Variants in LY96 observed in about 807,000 individuals in gnomAD.
The protein encoded by LY96 is lymphocyte antigen 96, also known as myeloid differentiation protein-2.
Under a neutral mutation model 18.9 loss-of-function variants are expected in LY96, and 18 were observed. The ratio of observed to expected loss-of-function variants is 0.95; its 90% confidence interval spans 0.66 to 1.41. The LOEUF (loss-of-function observed/expected upper bound fraction) is 1.41, where lower values mean the gene tolerates loss of function less well. Among genes scored for constraint, LY96 ranks in the 40% most tolerant of loss-of-function variants. The pLI is 0.00. For synonymous variants in LY96, 66 were observed against 62.6 expected (o/e 1.06, Z -0.26); for missense variants, 175 against 182.4 (o/e 0.96, Z 0.23).
At chr8:74,009,099 AT>A (rs916992870) in intron 2 of LY96, among the ~76,000 whole-genome samples, 1 of 152,232 alleles carries the variant, frequency 6.6e-6, no homozygotes, top group Non-Finnish European at 1.5e-5. Flanking sequence ...TATGAAAAGG[AT>A]TGTGCATCTT....
downstream of LY96, among the ~76,000 whole-genome samples, chr8:74,029,884 T>G (rs921705538): frequency 2.0e-5 from 3 of 152,182 alleles, no homozygotes; most frequent in Non-Finnish European, 2.9e-5. Context: ...GGTCTTGAAC[T>G]CCTGACCTCA....
chr8:74,084,616 TC>T, the LY96 span, among the ~76,000 whole-genome samples: 29 of 152,284 alleles, frequency 1.9e-4, 1 homozygote, highest in African/African-American at 6.5e-4. Flanking sequence ...TCTCTCTCTC[TC>T]TTTTTTCTTT....
chr8:74,022,977 A>G (rs755023225), intron 3 of LY96, among the ~76,000 whole-genome samples: 2 of 152,108 alleles, frequency 1.3e-5, no homozygotes, highest in Non-Finnish European at 2.9e-5. Flanking sequence ...TTATGACCAG[A>G]GTCCAGGGCC....
chr8:74,005,181 C>T (rs943075228), intron 2 of LY96, among the ~76,000 whole-genome samples: 11 of 152,198 alleles, frequency 7.2e-5, no homozygotes, highest in Non-Finnish European at 1.3e-4. Flanking sequence ...TCTAAGCTCA[C>T]GTAGCTGTTG....
At chr8:74,065,053 T>A in the LY96 span, among the ~76,000 whole-genome samples, 6 of 152,076 alleles carry the variant, frequency 3.9e-5, no homozygotes, top group Non-Finnish European at 8.8e-5. Context: ...AAACTGAATT[T>A]CCAACTGTGA....
chr8:74,071,617 A>G, the LY96 span, among the ~76,000 whole-genome samples: 8 of 152,166 alleles, frequency 5.3e-5, no homozygotes, highest in Admixed American at 3.9e-4. Context: ...ACCAGTGTAT[A>G]TTTTCCCTAT....
At chr8:74,080,984 C>CTCTCTCTTTCTTTCTT in the LY96 span, among the ~76,000 whole-genome samples, 3 of 105,172 alleles carry the variant, frequency 2.9e-5, no homozygotes, top group East Asian at 2.9e-4. Context: ...TTCTTTCTCT[C>CTCTCTCTTTCTTTCTT]TCTTTCTTTC....
At chr8:74,090,888 A>AT in the LY96 span, among the ~76,000 whole-genome samples, 1 of 152,214 alleles carries the variant, frequency 6.6e-6, no homozygotes, top group Admixed American at 6.5e-5. Flanking sequence ...ATGATAGAAA[A>AT]TGCATCTCAA....
At chr8:74,057,703 A>C in the LY96 span, among the ~76,000 whole-genome samples, 1 of 152,184 alleles carries the variant, frequency 6.6e-6, no homozygotes, top group Non-Finnish European at 1.5e-5. Flanking sequence ...GGCTTCCTTT[A>C]GGTCATTGAT....
downstream of LY96, among the ~76,000 whole-genome samples, chr8:74,031,334 A>C (rs1312720740): frequency 6.6e-6 from 1 of 152,242 alleles, no homozygotes; most frequent in Non-Finnish European, 1.5e-5. Context: ...TTTGCTAAAG[A>C]AAATGTAATT....
chr8:74,099,246 A>G, the LY96 span, among the ~76,000 whole-genome samples: 2 of 152,188 alleles, frequency 1.3e-5, no homozygotes, highest in Non-Finnish European at 2.9e-5. Flanking sequence ...AATAACCTTG[A>G]AAACGGTCCT....
chr8:74,016,393 C>T (rs971291987), intron 3 of LY96, among the ~76,000 whole-genome samples: 8 of 152,220 alleles, frequency 5.3e-5, no homozygotes, highest in South Asian at 2.1e-4. Flanking sequence ...CACAGCTCAA[C>T]GAGGCCTGCC....
chr8:74,031,150 T>C (rs964159739), downstream of LY96, among the ~76,000 whole-genome samples: 8 of 151,980 alleles, frequency 5.3e-5, no homozygotes, highest in Non-Finnish European at 1.2e-4. Context: ...CTATTGTAAT[T>C]TCCTCCTTTC....
At chr8:74,083,806 C>A in the LY96 span, among the ~76,000 whole-genome samples, 2 of 152,074 alleles carry the variant, frequency 1.3e-5, no homozygotes, top group South Asian at 4.1e-4. Flanking sequence ...ATCCTCCTGC[C>A]TTAGCCTCCT....
the LY96 span, among the ~76,000 whole-genome samples, chr8:74,036,810 G>A: frequency 6.6e-6 from 1 of 152,190 alleles, no homozygotes; most frequent in Non-Finnish European, 1.5e-5. Flanking sequence ...TAAGCTCTCT[G>A]AGTAGCTCTG....
Position 74,004,796 on chromosome 8 carries a change from A to G in LY96, c.113A>G (p.Asp38Gly), listed in dbSNP as rs780212347. The change falls in exon 2 of 5, where the codon GAT (aspartate) becomes GGT (glycine). Residue 38 changes from aspartate to glycine, a missense_variant and splice_region_variant. Asp to Gly is a moderately conservative substitution (Grantham distance 94). Coordinates refer to ENST00000284818, the MANE Select transcript of LY96 (RefSeq NM_015364.5). ...TTGACATTATCTTTATTGCTTTTAG[A>G]TAAAATGCAATACCCAATTTCAATT... ...SDASISYTYC[D>G]KMQYPISINV... 1.5e-5 allele frequency: 23 copies of G among 1,563,292 alleles called. No homozygotes were observed. The highest frequency in any genetic ancestry group is 1.9e-5 in the Non-Finnish European group (22 of 1,136,770).
chr8:74,089,090 T>A, the LY96 span, among the ~76,000 whole-genome samples: 2 of 151,908 alleles, frequency 1.3e-5, no homozygotes, highest in Non-Finnish European at 2.9e-5. Context: ...CAGGATAGGG[T>A]TAGTCCTAGG....
chr8:74,070,294 C>T, the LY96 span, among the ~76,000 whole-genome samples: 4 of 151,946 alleles, frequency 2.6e-5, no homozygotes, highest in Admixed American at 2.0e-4. Flanking sequence ...GGTTTCACCA[C>T]ATTAGCCAGG....
At chr8:74,046,187 A>AAG in the LY96 span, among the ~76,000 whole-genome samples, 1 of 152,114 alleles carries the variant, frequency 6.6e-6, no homozygotes, top group African/African-American at 2.4e-5. Context: ...GCTGAGGCAC[A>AAG]AGAATCACTT....
Sources: gnomAD v4.1 joint callset for allele counts (sites outside exome capture counted in the v4.1 genomes callset) on GRCh38, gnomAD v4.1.1 for gene constraint, MANE v1.5 for transcripts, NCBI Gene and HGNC (gene_info 2026-07-23, HGNC 2026-07-21) for gene names.